Variants in SPRY3 observed in about 807,000 individuals in gnomAD.
SPRY3 encodes sprouty RTK signaling antagonist 3.
Under a neutral mutation model 20.2 loss-of-function variants are expected in SPRY3, and 15 were observed. That is an observed-to-expected ratio of 0.74 (90% confidence interval 0.50 to 1.14). The LOEUF is 1.14. SPRY3 is among the 50% of genes most tolerant of loss of function. The pLI is 0.00. For synonymous variants in SPRY3, 143 were observed against 136.5 expected (o/e 1.05, Z -0.33); for missense variants, 364 against 363.9 (o/e 1.00, Z 0.00).
chrX:155,754,404 C>T (rs900251775), intron 2 of SPRY3, among the ~76,000 whole-genome samples: 7 of 151,976 alleles, frequency 4.6e-5, no homozygotes, highest in East Asian at 1.9e-4. Context: ...GGATCATAAA[C>T]GTAAGGTTTT....
At chrX:155,727,202 G>A (rs2091104077) in intron 2 of SPRY3, among the ~76,000 whole-genome samples, 1 of 152,128 alleles carries the variant, frequency 6.6e-6, no homozygotes, top group Non-Finnish European at 1.5e-5. Flanking sequence ...CCTTTTGTGG[G>A]TAACCCAACC....
intron 2 of SPRY3, among the ~76,000 whole-genome samples, chrX:155,700,096 AAAAGACAACCATTTTTGT>A (rs2068131615): frequency 1.9e-5 from 2 of 107,767 alleles, no homozygotes; most frequent in Non-Finnish European, 3.8e-5. Context: ...ACAAACAACA[AAAAGACAACCATTTTTGT>A]CCATCTTACA....
At chrX:155,762,207 G>A (rs746982224) in intron 2 of SPRY3, among the ~76,000 whole-genome samples, 2 of 152,214 alleles carry the variant, frequency 1.3e-5, no homozygotes, top group South Asian at 2.1e-4. Context: ...CACTAACTTG[G>A]TATTTCCTGG....
chrX:155,646,923 G>A (rs1371671702), intron 1 of SPRY3, among the ~76,000 whole-genome samples: 2 of 111,704 alleles, frequency 1.8e-5, no homozygotes, highest in African/African-American at 6.5e-5. Flanking sequence ...TACCATCTGT[G>A]AGCTTGTCAT....
intron 2 of SPRY3, chrX:155,669,675 G>T (rs2068034500): frequency 9.0e-6 from 1 of 111,664 alleles, no homozygotes; most frequent in Non-Finnish European, 1.9e-5. Flanking sequence ...AATTTAAGGT[G>T]AAAAATTATA....
At chrX:155,760,743 G>T (rs182987923) in intron 2 of SPRY3, among the ~76,000 whole-genome samples, 33 of 152,152 alleles carry the variant, frequency 2.2e-4, no homozygotes, top group African/African-American at 7.7e-4. Context: ...TAGGGTTCAC[G>T]CTCCTATGAA....
chrX:155,781,379 G>A (rs1455883077), downstream of SPRY3: 1 of 166,968 alleles, frequency 6.0e-6, no homozygotes, highest in African/African-American at 2.4e-5. Context: ...ATCTTTGGAG[G>A]TGTTGAGGAA....
At chrX:155,684,726 T>C (rs2068082835) in intron 2 of SPRY3, among the ~76,000 whole-genome samples, 1 of 112,138 alleles carries the variant, frequency 8.9e-6, no homozygotes, top group South Asian at 3.7e-4. Flanking sequence ...CCTTCATTCT[T>C]GATGATCCAG....
At chrX:155,684,586 A>T (rs1248666518) in intron 2 of SPRY3, among the ~76,000 whole-genome samples, 1 of 111,997 alleles carries the variant, frequency 8.9e-6, no homozygotes, top group African/African-American at 3.2e-5. Flanking sequence ...TATACATTGA[A>T]CATCCTATCA....
At chrX:155,740,401 C>T (rs975462068) in intron 2 of SPRY3, among the ~76,000 whole-genome samples, 17 of 152,126 alleles carry the variant, frequency 1.1e-4, no homozygotes, top group Non-Finnish European at 1.9e-4. Context: ...AGCCTATAAA[C>T]GGACGTGCAA....
chrX:155,759,720 A>G (rs2091296891), intron 2 of SPRY3, among the ~76,000 whole-genome samples: 1 of 152,186 alleles, frequency 6.6e-6, no homozygotes, highest in Non-Finnish European at 1.5e-5. Flanking sequence ...TTACCATATG[A>G]TGACGGCAAA....
chrX:155,706,499 G>GA (rs1259240011), intron 2 of SPRY3, among the ~76,000 whole-genome samples: 3 of 149,838 alleles, frequency 2.0e-5, no homozygotes, highest in African/African-American at 4.9e-5. Flanking sequence ...ATAAAGCTGA[G>GA]AAAAAATCAA....
At chrX:155,728,062 C>T (rs2091110398) in intron 2 of SPRY3, among the ~76,000 whole-genome samples, 2 of 152,220 alleles carry the variant, frequency 1.3e-5, no homozygotes, top group East Asian at 1.9e-4. Flanking sequence ...CCTCAGCTGC[C>T]GGTCTGTTGG....
At chrX:155,725,899 A>C (rs998469285) in intron 2 of SPRY3, among the ~76,000 whole-genome samples, 1 of 151,986 alleles carries the variant, frequency 6.6e-6, no homozygotes, top group African/African-American at 2.4e-5. Context: ...TAGTTCTTTT[A>C]ATTGTGATGT....
At chrX:155,704,356 A>G (rs942340058) in intron 2 of SPRY3, among the ~76,000 whole-genome samples, 1 of 151,800 alleles carries the variant, frequency 6.6e-6, no homozygotes, top group Non-Finnish European at 1.5e-5. Context: ...ATAAAAAACA[A>G]AATAACGGAG....
At chrX:155,664,462 T>A (rs181348753) in intron 2 of SPRY3, among the ~76,000 whole-genome samples, 51 of 109,063 alleles carry the variant, frequency 4.7e-4, no homozygotes, top group African/African-American at 9.9e-4. Flanking sequence ...ATAGTGAAAC[T>A]TACCATAAAG....
At chrX:155,716,981 A>AATATATATATATATATAT (rs749530944) in intron 2 of SPRY3, among the ~76,000 whole-genome samples, 960 of 63,040 alleles carry the variant, frequency 0.015, 23 homozygotes, top group Non-Finnish European at 0.021. Context: ...TAAAATACAA[A>AATATATATATATATATAT]ATATATATAT....
chrX:155,781,330 T>G (rs948755807), downstream of SPRY3: 17 of 167,136 alleles, frequency 1.0e-4, no homozygotes, highest in Middle Eastern at 3.4e-3. Flanking sequence ...CAAAGTGGTG[T>G]TGTAGAAATC....
chrX:155,712,564 A>G (rs140169459), intron 2 of SPRY3, among the ~76,000 whole-genome samples: 386 of 151,952 alleles, frequency 2.5e-3, no homozygotes, highest in African/African-American at 9.0e-3. Context: ...TTTTCAGTCT[A>G]TATGTATCTT....
Sources: gnomAD v4.1 joint callset for allele counts (sites outside exome capture counted in the v4.1 genomes callset) on GRCh38, gnomAD v4.1.1 for gene constraint, MANE v1.5 for transcripts, NCBI Gene and HGNC (gene_info 2026-07-23, HGNC 2026-07-21) for gene names.